ZMIZ1: variants seen among roughly 807,000 people sequenced by gnomAD.
ZMIZ1 encodes the protein zinc finger MIZ domain-containing protein 1.
ZMIZ1 carries 17 observed loss-of-function variants against 113.9 expected under a neutral mutation model. That is an observed-to-expected ratio of 0.15 (90% CI 0.10 to 0.22). The LOEUF is 0.22. Ranked by LOEUF, ZMIZ1 falls within the 10% of genes least tolerant of loss-of-function variation. The pLI is 1.00. For missense variants in ZMIZ1, 1,059 were observed against 1,477.8 expected (o/e 0.72, Z 4.65); for synonymous variants, 607 against 603.1 (o/e 1.01, Z -0.09).
At chr10:79,146,940 G>C (rs532364213) in intron 3 of ZMIZ1, among the ~76,000 whole-genome samples, 1 of 80,524 alleles carries the variant, frequency 1.2e-5, no homozygotes, top group Non-Finnish European at 2.3e-5. Flanking sequence ...CGTGTGTGTA[G>C]TGTACGTGTG....
At chr10:79,226,930 T>C (rs1849222428) in intron 7 of ZMIZ1, among the ~76,000 whole-genome samples, 1 of 152,194 alleles carries the variant, frequency 6.6e-6, no homozygotes, top group South Asian at 2.1e-4. Flanking sequence ...CAACATTAAG[T>C]TCTGCATTTT....
intron 4 of ZMIZ1, among the ~76,000 whole-genome samples, chr10:79,163,781 C>A (rs528545452): frequency 2.4e-4 from 36 of 152,374 alleles, no homozygotes; most frequent in African/African-American, 7.9e-4. Flanking sequence ...AAGTCCGCTG[C>A]TCTCTGGAGC....
At chr10:79,272,581 A>T (rs1852015247) in intron 7 of ZMIZ1, among the ~76,000 whole-genome samples, 1 of 152,114 alleles carries the variant, frequency 6.6e-6, no homozygotes, top group Admixed American at 6.5e-5. Flanking sequence ...TTTCAGCAGG[A>T]GTGCTAGCCT....
chr10:79,082,000 T>C (rs1220436081), intron 1 of ZMIZ1, among the ~76,000 whole-genome samples: 1 of 152,252 alleles, frequency 6.6e-6, no homozygotes, highest in East Asian at 1.9e-4. Flanking sequence ...CTGGCAGAGC[T>C]GGAGCTAAAA....
rs1291970153 is a variant in ZMIZ1, at chr10:79,068,969, TACTC to T, written c.-635_-632del. 5 of 151,060 alleles carry T rather than the reference TACTC, an allele frequency of 3.3e-5. No individual in the cohort carries two copies. The highest frequency in any genetic ancestry group is 3.7e-4 in the South Asian group (2 of 5,366). The allele number at this position is 151,060 out of a possible 1,614,324, so 9.4% of individuals were successfully genotyped here. A position where few individuals can be genotyped will look rare whatever the true frequency, so the allele number is the denominator to read the frequency against. On this transcript the variant is annotated 5_prime_UTR_variant, in exon 1 of 25. Transcript: ENST00000334512. ...TCGGCTCCGGGCGAGTTGATTCACT[TACTC>T]ACCCCCTAACGCCGAGTTCCTTTTC...
chr10:79,175,862 C>T (rs182067907), intron 4 of ZMIZ1, among the ~76,000 whole-genome samples: 5 of 152,100 alleles, frequency 3.3e-5, no homozygotes, highest in African/African-American at 7.2e-5. Flanking sequence ...TCCTGGGAGC[C>T]GGTGTGAGCC....
intron 2 of ZMIZ1, among the ~76,000 whole-genome samples, chr10:79,135,546 CACTG>C (rs1311731508): frequency 6.6e-6 from 1 of 152,246 alleles, no homozygotes; most frequent in African/African-American, 2.4e-5. Flanking sequence ...ATAGGTGAGA[CACTG>C]ACTGGCCCCT....
chr10:79,298,722 C>T, intron 15 of ZMIZ1, 142 bp downstream of exon 15: 1 of 820,590 alleles, frequency 1.2e-6, no homozygotes, highest in Non-Finnish European at 1.8e-6. Flanking sequence ...CCCAGGGGCA[C>T]ACTCAAGGCG....
At chr10:79,151,427 T>C (rs1564682304) in intron 3 of ZMIZ1, among the ~76,000 whole-genome samples, 1 of 152,186 alleles carries the variant, frequency 6.6e-6, no homozygotes. Flanking sequence ...GGGGAGCCAC[T>C]GAAAGTTCTT....
chr10:79,149,983 C>G (rs934673175), intron 3 of ZMIZ1, among the ~76,000 whole-genome samples: 2 of 152,240 alleles, frequency 1.3e-5, no homozygotes, highest in African/African-American at 4.8e-5. Context: ...AGCAGGCCAG[C>G]GTGGCCTGCC....
chr10:79,113,572 A>G (rs1419421987), intron 1 of ZMIZ1, among the ~76,000 whole-genome samples: 9 of 152,088 alleles, frequency 5.9e-5, no homozygotes, highest in Non-Finnish European at 1.3e-4. Flanking sequence ...CCCCCACCCC[A>G]CAGGCTGTTG....
chr10:79,135,660 AAGGGTCAGGGTC>A (rs1844969619), intron 2 of ZMIZ1, among the ~76,000 whole-genome samples: 1 of 152,026 alleles, frequency 6.6e-6, no homozygotes, highest in Non-Finnish European at 1.5e-5. Flanking sequence ...CCAGAGAGCT[AAGGGTCAGGGTC>A]AGCGTGGCCC....
chr10:79,125,793 C>T (rs1464729961), intron 2 of ZMIZ1, among the ~76,000 whole-genome samples: 1 of 152,228 alleles, frequency 6.6e-6, no homozygotes, highest in Non-Finnish European at 1.5e-5. Context: ...ACCCACCCCA[C>T]TCATGGCACA....
rs535598049 is a variant in ZMIZ1, at chr10:79,069,582, G to C, written c.-337+312G>C. On this transcript the variant is annotated intron_variant, in intron 1 of 24. Transcript: ENST00000334512. The surrounding 1 kb of genome is among the most constrained non-coding windows in gnomAD (Gnocchi z 4.6). Reference sequence around the variant, plus strand: ...GCGGACCCGGTGCCCGCCTCCTGCCGGCGCGCCTCCAGCCCTCGCTCCCTA... The same window carrying C: ...GCGGACCCGGTGCCCGCCTCCTGCCCGCGCGCCTCCAGCCCTCGCTCCCTA... 6.6e-6 allele frequency among the ~76,000 whole-genome samples: 1 copy of C among 150,874 alleles called. No homozygotes were observed. The highest frequency in any genetic ancestry group is 1.5e-5 in the Non-Finnish European group (1 of 67,612).
intron 16 of ZMIZ1, among the ~76,000 whole-genome samples, chr10:79,300,270 C>T (rs542301386): frequency 4.6e-5 from 7 of 152,286 alleles, no homozygotes; most frequent in African/African-American, 1.7e-4. Context: ...TCCTGACACT[C>T]CTCAGTGCTG....
rs1007719392 is a variant in ZMIZ1, at chr10:79,307,488, C to T, written c.2752C>T (p.Pro918Ser). The change falls in exon 23 of 25, where the codon CCC (proline) becomes TCC (serine). Residue 918 changes from proline to serine, a missense_variant. Physicochemically the swap from Pro to Ser is moderately conservative, Grantham distance 74. This residue lies in a region of ZMIZ1 where 225 missense variants were observed against 276.0 expected (regional missense o/e 0.82). Transcript: ENST00000334512. ...GTSMNDFMHG[P>S]PQLSHPPDMP... is the part of the protein sequence containing the mutation. ...ATCCATGAATGACTTCATGCACGGG[C>T]CCCCCCAGCTCTCCCACCCCCCGGA... The T allele has an allele frequency of 2.0e-6, 3 of 1,483,798 alleles. No homozygotes were observed. Among genetic ancestry groups the T allele is most frequent in the Non-Finnish European group, 2.8e-6 (3 of 1,070,730 alleles). The allele number at this position is 1,483,798 out of a possible 1,614,324, so 91.9% of individuals were successfully genotyped here.
intron 2 of ZMIZ1, among the ~76,000 whole-genome samples, chr10:79,131,626 G>C (rs969229597): frequency 1.3e-5 from 2 of 152,120 alleles, no homozygotes; most frequent in Non-Finnish European, 2.9e-5. Flanking sequence ...GAGGCACTTA[G>C]AGCAGCTCTG....
Position 79,277,161 on chromosome 10 carries a change from C to G in ZMIZ1, c.281-20C>G. Reference sequence around the variant, plus strand: ...AGCATGATGAACAAGCACCCACTGACTGTCCTGTCCTTCCTGCAGCCTTGT... The same window carrying G: ...AGCATGATGAACAAGCACCCACTGAGTGTCCTGTCCTTCCTGCAGCCTTGT... On this transcript the variant is annotated intron_variant, in intron 7 of 24. Coordinates refer to ENST00000334512, the MANE Select transcript of ZMIZ1 (RefSeq NM_020338.4). The G allele has an allele frequency of 1.3e-6, 2 of 1,496,958 alleles. No homozygotes were observed. Among genetic ancestry groups the G allele is most frequent in the Non-Finnish European group, 1.8e-6 (2 of 1,121,596 alleles). The allele number at this position is 1,496,958 out of a possible 1,614,324, so 92.7% of individuals were successfully genotyped here. A position where few individuals can be genotyped will look rare whatever the true frequency, so the allele number is the denominator to read the frequency against.
intron 1 of ZMIZ1, among the ~76,000 whole-genome samples, chr10:79,079,442 G>A (rs532902334): frequency 6.6e-6 from 1 of 152,258 alleles, no homozygotes; most frequent in Non-Finnish European, 1.5e-5. Flanking sequence ...GTCCCTGGCC[G>A]TTGAATGGAG....
Sources: allele counts gnomAD v4.1 joint callset (sites outside exome capture counted in the v4.1 genomes callset), GRCh38; gene constraint gnomAD v4.1.1; regional missense constraint gnomAD v4.1.1; non-coding constraint Gnocchi (gnomAD v3.1); transcripts MANE v1.5; gene names NCBI Gene and HGNC (gene_info 2026-07-23, HGNC 2026-07-21).